KRT23: variants seen among roughly 807,000 people sequenced by gnomAD.
KRT23 encodes the protein keratin 23.
Under a neutral mutation model 47.6 loss-of-function variants are expected in KRT23, and 38 were observed. That is an observed-to-expected ratio of 0.80 (90% CI 0.62 to 1.05). KRT23 has a LOEUF of 1.05. KRT23 is among the 50% of genes least tolerant of loss of function. The pLI, the probability that KRT23 is intolerant of heterozygous loss-of-function variation, is 0.00. For missense variants in KRT23, 503 were observed against 529.5 expected (o/e 0.95, Z 0.49); for synonymous variants, 191 against 199.0 (o/e 0.96, Z 0.34).
In KRT23 at chr17:40,936,284, C is replaced by A; in HGVS notation, c.320G>T (p.Trp107Leu). 1 of 1,614,206 alleles carries A rather than the reference C, an allele frequency of 6.2e-7. No individual in the cohort carries two copies. The highest frequency in any genetic ancestry group is 8.5e-7 in the Non-Finnish European group (1 of 1,180,034). The change falls in exon 2 of 9, where the codon TGG (tryptophan) becomes TTG (leucine). Residue 107 changes from tryptophan to leucine, a missense_variant. Trp to Leu is a moderately conservative substitution (Grantham distance 61). Coordinates refer to ENST00000209718, the MANE Select transcript of KRT23 (RefSeq NM_015515.5). ...ACTGCCAGGATCTCTCTGCTGGTGCCATTTCAGGATGCGGCTTTCCAGCTT... is the reference window on the plus strand; with the variant it reads ...ACTGCCAGGATCTCTCTGCTGGTGCAATTTCAGGATGCGGCTTTCCAGCTT... ...NMKLESRILK[W>L]HQQRDPGSKK...
chr17:40,936,197 C>G lies in KRT23; in HGVS notation c.396+11G>C. 2 of 1,613,994 alleles carry G rather than the reference C, an allele frequency of 1.2e-6. No individual in the cohort carries two copies. The highest frequency in any genetic ancestry group is 1.7e-6 in the Non-Finnish European group (2 of 1,179,992). ...CCCCATCTGGATCTCCAGGGTCACC[C>G]AGCATCTTACCTGCTCCTGCAGGTG... On this transcript the variant is annotated intron_variant, in intron 2 of 8. Coordinates refer to ENST00000209718, the MANE Select transcript of KRT23 (RefSeq NM_015515.5).
At chr17:40,936,026 C>T (rs1910038139) in intron 2 of KRT23, among the ~76,000 whole-genome samples, 182 bp downstream of exon 2, 1 of 152,170 alleles carries the variant, frequency 6.6e-6, no homozygotes, top group Non-Finnish European at 1.5e-5. Context: ...TTAAACAAAA[C>T]AGACGTTTCC....
chr17:40,931,309 C>T (rs1909663243), intron 3 of KRT23, 64 bp downstream of exon 3: 22 of 1,290,322 alleles, frequency 1.7e-5, no homozygotes, highest in South Asian at 5.9e-5. Context: ...CGCGCCCCGC[C>T]GAGTTTTCCT....
At chr17:40,923,498 A>C (rs1230809148) in intron 8 of KRT23, among the ~76,000 whole-genome samples, 1 of 152,252 alleles carries the variant, frequency 6.6e-6, no homozygotes, top group African/African-American at 2.4e-5. Flanking sequence ...AATGGGTGAG[A>C]AGCCAAGGAT....
Position 40,923,084 on chromosome 17 carries a change from CT to C in KRT23, c.1175-2del. 2 of 1,608,426 alleles carry C rather than the reference CT, an allele frequency of 1.2e-6. No individual in the cohort carries two copies. Among genetic ancestry groups the C allele is most frequent in the Non-Finnish European group, 1.7e-6 (2 of 1,174,912 alleles). ...GCCTTGATCTTTGGAGTTGCAGACA[CT>C]GAGAAAAAGAGCATGGAAGATGTCA... On this transcript the variant is annotated splice_acceptor_variant, in intron 8 of 8. Coordinates refer to ENST00000209718, the MANE Select transcript of KRT23 (RefSeq NM_015515.5).
intron 6 of KRT23, among the ~76,000 whole-genome samples, chr17:40,926,596 AG>A (rs1292964905): frequency 6.6e-6 from 1 of 152,184 alleles, no homozygotes; most frequent in Non-Finnish European, 1.5e-5. Context: ...TCTGTGCTCC[AG>A]TCATCTCGGC....
At position 40,936,742 on chromosome 17, in the gene KRT23, A is replaced by G; in HGVS notation, c.-139T>C. On this transcript the variant is annotated 5_prime_UTR_variant, in exon 2 of 9. Transcript: ENST00000209718. The stretch of plus-strand genomic sequence containing the variant: ...CTTCTCTGACAATTGTACCAACAAG[A>G]TTGTATCATTGTGCAACTTGTGTTT... 1.4e-6 allele frequency: 1 copy of G among 739,694 alleles called. No individual in the cohort carries two copies. Among genetic ancestry groups the G allele is most frequent in the South Asian group, 4.4e-5 (1 of 22,620 alleles). 45.8% of individuals were successfully genotyped at this position (739,694 alleles called of 1,614,324 possible).
chr17:40,925,302 A>G (rs767704805), intron 7 of KRT23, 52 bp downstream of exon 7: 1 of 1,486,596 alleles, frequency 6.7e-7, no homozygotes. Context: ...ACATATACCC[A>G]CAGGAGCTGG....
chr17:40,933,792 TG>T (rs2143514933), intron 2 of KRT23, among the ~76,000 whole-genome samples: 1 of 152,342 alleles, frequency 6.6e-6, no homozygotes, highest in African/African-American at 2.4e-5. Context: ...TGGATGAAGA[TG>T]GGTTGAGAAA....
chr17:40,929,447 G>A (rs1199413886), intron 4 of KRT23, among the ~76,000 whole-genome samples: 1 of 152,238 alleles, frequency 6.6e-6, no homozygotes, highest in Non-Finnish European at 1.5e-5. Context: ...AATGGGAACT[G>A]TTTTTCTATC....
chr17:40,935,521 T>C (rs896594755), intron 2 of KRT23, among the ~76,000 whole-genome samples: 3 of 152,322 alleles, frequency 2.0e-5, no homozygotes, highest in Non-Finnish European at 2.9e-5. Flanking sequence ...AAGGTCTTTA[T>C]AGCCATCTCA....
rs765633632 is a variant in KRT23 at position 40,925,543 on chromosome 17, G to A, written c.953C>T (p.Thr318Ile). 5 of 1,613,974 alleles carry A rather than the reference G, an allele frequency of 3.1e-6. No individual in the cohort carries two copies. The highest frequency in any genetic ancestry group is 1.7e-4 in the Middle Eastern group (1 of 6,058). The change falls in exon 7 of 9, where the codon ACC (threonine) becomes ATC (isoleucine). Residue 318 changes from threonine (T) to isoleucine (I), a missense_variant. By Grantham distance (89) the Thr-to-Ile change is moderately conservative. Coordinates refer to ENST00000209718, the MANE Select transcript of KRT23 (RefSeq NM_015515.5). Reference protein sequence around the residue: ...KSALENMLSETQSRYSCKLQD... With the variant: ...KSALENMLSEIQSRYSCKLQD... ...GAGCTTGCAGGAGTACCGAGACTGG[G>A]TCTCGGATAACATGTTTTCCAAAGC...
chr17:40,936,884 G>A lies in KRT23; in HGVS notation c.-281C>T. 2.7e-6 allele frequency: 1 copy of A among 376,330 alleles called. No homozygotes were observed. Among genetic ancestry groups the A allele is most frequent in the Non-Finnish European group, 4.7e-6 (1 of 212,338 alleles). 23.3% of individuals were successfully genotyped at this position (376,330 alleles called of 1,614,324 possible). Reference sequence around the variant, plus strand: ...CTGGTAACCCGGAGGTGTGGCCCACGACATCAGGCGGGTATTGGGCTCAGG... The same window carrying A: ...CTGGTAACCCGGAGGTGTGGCCCACAACATCAGGCGGGTATTGGGCTCAGG... On this transcript the variant is annotated 5_prime_UTR_variant, in exon 2 of 9. Transcript: ENST00000209718.
At position 40,936,553 on chromosome 17, in the gene KRT23, G is replaced by A; in HGVS notation, c.51C>T (p.Gly17=). 14 of 1,520,888 alleles carry A rather than the reference G, an allele frequency of 9.2e-6. No individual in the cohort carries two copies. The highest frequency in any genetic ancestry group is 1.4e-5 in the African/African-American group (1 of 71,792). The allele number at this position is 1,520,888 out of a possible 1,614,324, so 94.2% of individuals were successfully genotyped here. A position where few individuals can be genotyped will look rare whatever the true frequency, so the allele number is the denominator to read the frequency against. Residue 17 remains glycine, a synonymous_variant, in exon 2 of 9, where the codon GGC becomes GGT. Coordinates refer to ENST00000209718, the MANE Select transcript of KRT23 (RefSeq NM_015515.5). ...FSQTPSASFH[G]AGGGWGRPRS... ...TGGGCCGGCCCCAGCCACCTCCGGC[G>A]CCATGGAAGGAGGCCGAGGGGGTCT...
Position 40,929,946 on chromosome 17 carries a change from A to G in KRT23, c.630T>C (p.His210=). 1 of 1,614,012 alleles carries G rather than the reference A, an allele frequency of 6.2e-7. No individual in the cohort carries two copies. The change falls in exon 4 of 9, where the codon CAT becomes CAC. Residue 210 remains histidine, a synonymous_variant. Coordinates refer to ENST00000209718, the MANE Select transcript of KRT23 (RefSeq NM_015515.5). ...RKELILMKKH[H]EQEMEKHHVP... ...TGTTCCTGGGGAGTTGTACCTGCTCATGGTGCTTCTTCATGAGAATGAGCT... is the reference window on the plus strand; with the variant it reads ...TGTTCCTGGGGAGTTGTACCTGCTCGTGGTGCTTCTTCATGAGAATGAGCT...
rs779796169 is a variant in KRT23, at chr17:40,928,469, A to G, written c.775T>C (p.Leu259=). Residue 259 remains leucine, a synonymous_variant, in exon 5 of 9, where the codon TTG becomes CTG. Transcript: ENST00000209718. ...ACCTGTTCTTTATACCAAGTGTCCAAGTCTCGATGCTTCTTCTTTATTATA... is the reference window on the plus strand; with the variant it reads ...ACCTGTTCTTTATACCAAGTGTCCAGGTCTCGATGCTTCTTCTTTATTATA... The part of the protein sequence containing the change: ...ELIIKKKHRD[L]DTWYKEQSAA... 1.2e-5 allele frequency: 19 copies of G among 1,614,136 alleles called. No individual in the cohort carries two copies. The highest frequency in any genetic ancestry group is 1.6e-5 in the Non-Finnish European group (19 of 1,180,012).
chr17:40,934,628 T>C (rs1567806008), intron 2 of KRT23, among the ~76,000 whole-genome samples: 1 of 152,222 alleles, frequency 6.6e-6, no homozygotes. Context: ...ATACTAAGTG[T>C]CATTTTTATA....
At chr17:40,932,006 G>A (rs914510089) in intron 2 of KRT23, among the ~76,000 whole-genome samples, 1 of 152,230 alleles carries the variant, frequency 6.6e-6, no homozygotes, top group Non-Finnish European at 1.5e-5. Context: ...TAGCAATCAT[G>A]TTTCTAATCA....
intron 2 of KRT23, among the ~76,000 whole-genome samples, 169 bp downstream of exon 2, chr17:40,936,039 C>A (rs1910038761): frequency 6.6e-6 from 1 of 152,176 alleles, no homozygotes; most frequent in African/African-American, 2.4e-5. Flanking sequence ...ACGTTTCCCA[C>A]TCCAAATTTA....
Sources: allele counts gnomAD v4.1 joint callset (sites outside exome capture counted in the v4.1 genomes callset), GRCh38; gene constraint gnomAD v4.1.1; transcripts MANE v1.5; gene names NCBI Gene and HGNC (gene_info 2026-07-23, HGNC 2026-07-21).